ZNF609: variants seen among roughly 807,000 people sequenced by gnomAD.
The protein encoded by ZNF609 is zinc finger protein 609.
A neutral mutation model predicts 109.5 loss-of-function variants in ZNF609; 11 were observed. That is an observed-to-expected ratio of 0.10 (90% CI 0.06 to 0.17). The LOEUF (loss-of-function observed/expected upper bound fraction) is 0.17. Among genes scored for constraint, ZNF609 ranks in the 10% least tolerant of loss-of-function variants. The pLI, the probability that ZNF609 is intolerant of heterozygous loss-of-function variation, is 1.00. For synonymous variants in ZNF609, 646 were observed against 662.0 expected (o/e 0.98, Z 0.37); for missense variants, 1,559 against 1,772.4 (o/e 0.88, Z 2.16).
intron 2 of ZNF609, among the ~76,000 whole-genome samples, chr15:64,555,877 ACT>A (rs1341835165): frequency 7.6e-6 from 1 of 131,514 alleles, no homozygotes; most frequent in African/African-American, 3.0e-5. Context: ...ACAGAGCAAG[ACT>A]CTGTCTCAAA....
At chr15:64,493,209 G>A (rs151267445) in intron 1 of ZNF609, among the ~76,000 whole-genome samples, 76 of 152,170 alleles carry the variant, frequency 5.0e-4, no homozygotes, top group African/African-American at 1.7e-3. Context: ...GAAATGTAGT[G>A]TTTCTTGTTA....
rs1188141340 is a variant in ZNF609 at position 64,674,528 on chromosome 15, C to T, written c.1674C>T (p.Ser558=). 1 of 1,613,996 alleles carries T rather than the reference C, an allele frequency of 6.2e-7. No individual in the cohort carries two copies. Among genetic ancestry groups the T allele is most frequent in the East Asian group, 2.2e-5 (1 of 44,892 alleles). ...GTGCATCTGTCTCACAAAAAGGTTC[C>T]TTGTCCCCTGCCCGCTCAGCTACCC... ...CNGASVSQKG[S]LSPARSATPK... is the part of the protein sequence containing the mutation. Residue 558 remains serine (S), a synonymous_variant, in exon 5 of 10, where the codon TCC becomes TCT. Transcript: ENST00000326648.
intron 1 of ZNF609, among the ~76,000 whole-genome samples, chr15:64,465,801 C>G (rs1395320580): frequency 6.6e-6 from 1 of 151,958 alleles, no homozygotes; most frequent in African/African-American, 2.4e-5. Context: ...TAAGGAACAT[C>G]ACCACTAAAT....
chr15:64,484,675 C>CAAAAAAA (rs35508980), intron 1 of ZNF609, among the ~76,000 whole-genome samples: 1 of 69,956 alleles, frequency 1.4e-5, no homozygotes, highest in Non-Finnish European at 2.5e-5. Flanking sequence ...GACTCTGTCT[C>CAAAAAAA]AAAAAAAAAA....
intron 3 of ZNF609, among the ~76,000 whole-genome samples, chr15:64,639,823 A>G (rs1220979127): frequency 1.3e-5 from 2 of 152,248 alleles, no homozygotes; most frequent in African/African-American, 4.8e-5. Context: ...AGAAATGTGC[A>G]TAATAATGAG....
At chr15:64,612,505 T>C (rs566699546) in intron 2 of ZNF609, among the ~76,000 whole-genome samples, 19 of 152,224 alleles carry the variant, frequency 1.2e-4, no homozygotes, top group African/African-American at 4.3e-4. Flanking sequence ...CTACTCTGTC[T>C]TTTTATCTTT....
intron 3 of ZNF609, among the ~76,000 whole-genome samples, chr15:64,630,932 C>T (rs537726151): frequency 1.3e-5 from 2 of 152,288 alleles, no homozygotes; most frequent in African/African-American, 4.8e-5. Flanking sequence ...CAATAAGCTA[C>T]TTCACATCTT....
At chr15:64,599,977 C>A (rs1402584617) in intron 2 of ZNF609, among the ~76,000 whole-genome samples, 2 of 152,212 alleles carry the variant, frequency 1.3e-5, no homozygotes, top group Non-Finnish European at 2.9e-5. Context: ...TACTTGCAGT[C>A]CTTTGTTCAC....
At chr15:64,483,439 T>TG (rs1380412166) in intron 1 of ZNF609, among the ~76,000 whole-genome samples, 1 of 151,230 alleles carries the variant, frequency 6.6e-6, no homozygotes, top group Non-Finnish European at 1.5e-5. Context: ...CAGGCTGGAG[T>TG]GCAGTGGCAG....
intron 3 of ZNF609, among the ~76,000 whole-genome samples, chr15:64,666,591 C>T (rs975376011): frequency 3.3e-5 from 5 of 151,950 alleles, no homozygotes; most frequent in African/African-American, 4.8e-5. Context: ...GCAACACCTC[C>T]TTGAACACCT....
rs963509994 is a variant in ZNF609, at chr15:64,576,419, T to A, written c.748-46408T>A. ...ATGTGCTTCTTAGTTATGATGTCAA[T>A]TCAGAATTTTTTATCAGAATTTTGT... On this transcript the variant is annotated intron_variant, in intron 2 of 9. Coordinates refer to ENST00000326648, the MANE Select transcript of ZNF609 (RefSeq NM_015042.2). 7.9e-5 allele frequency among the ~76,000 whole-genome samples: 12 copies of A among 152,076 alleles called. No individual in the cohort carries two copies. In the South Asian group the frequency reaches 2.5e-3, roughly 32 times the overall value.
rs1175783902 is a variant in ZNF609, at chr15:64,678,440, A to C, written c.3727A>C (p.Ser1243Arg). 1.2e-6 allele frequency: 2 copies of C among 1,605,294 alleles called. No individual in the cohort carries two copies. The highest frequency in any genetic ancestry group is 1.3e-5 in the African/African-American group (1 of 74,868). ...YSQSYDPNHPSYRSMPAVMMQ... is the reference protein window; with the variant it reads ...YSQSYDPNHPRYRSMPAVMMQ... ...TCAGTCCTACGACCCCAACCACCCC[A>C]GCTACCGGAGCATGCCTGCTGTGAT... Residue 1243 changes from serine to arginine, a missense_variant, in exon 6 of 10, where the codon AGC (serine) becomes CGC (arginine). Around this residue, in one of 4 missense-constraint regions of ZNF609, gnomAD observed 1,204 missense variants for 1,314.1 expected, o/e 0.92. Transcript: ENST00000326648.
Position 64,623,110 on chromosome 15 carries a change from C to T in ZNF609, c.973+58C>T, listed in dbSNP as rs944642210. ...TCAACCTGCTTCTGCAGGGGAGCCA[C>T]CAGGGACTTATTGTTGTAAATATTA... On this transcript the variant is annotated intron_variant, in intron 3 of 9. Transcript: ENST00000326648. 11 of 1,528,192 alleles carry T rather than the reference C, an allele frequency of 7.2e-6. No individual in the cohort carries two copies. In the Admixed American group the frequency reaches 1.2e-4, roughly 17 times the overall value. The allele number at this position is 1,528,192 out of a possible 1,614,324, so 94.7% of individuals were successfully genotyped here.
At chr15:64,601,216 A>T (rs1895493034) in intron 2 of ZNF609, among the ~76,000 whole-genome samples, 1 of 152,158 alleles carries the variant, frequency 6.6e-6, no homozygotes, top group Non-Finnish European at 1.5e-5. Context: ...GTGGGAGGAG[A>T]GCAGTGATGG....
intron 3 of ZNF609, among the ~76,000 whole-genome samples, chr15:64,651,393 A>T (rs1025014241): frequency 1.3e-5 from 2 of 152,192 alleles, no homozygotes; most frequent in African/African-American, 4.8e-5. Context: ...CAGTCAGCAG[A>T]TGCCATATAA....
chr15:64,608,778 C>T (rs576392720), intron 2 of ZNF609, among the ~76,000 whole-genome samples: 2 of 151,524 alleles, frequency 1.3e-5, no homozygotes, highest in African/African-American at 4.8e-5. Flanking sequence ...TCACTTTGTC[C>T]CCCAAGCTGG....
At chr15:64,461,003 TA>T (rs1346545755) in intron 1 of ZNF609, among the ~76,000 whole-genome samples, 165 bp downstream of exon 1, 1 of 4,958 alleles carries the variant, frequency 2.0e-4, no homozygotes, top group Non-Finnish European at 4.0e-4. Flanking sequence ...GGAAGGTGTG[TA>T]GGGGGGGTCG....
intron 1 of ZNF609, among the ~76,000 whole-genome samples, chr15:64,471,532 G>T (rs986966889): frequency 6.6e-6 from 1 of 152,146 alleles, no homozygotes; most frequent in Admixed American, 6.5e-5. Flanking sequence ...TGTTCCACTT[G>T]AATGTGAGAT....
At chr15:64,645,114 C>T (rs1019729838) in intron 3 of ZNF609, among the ~76,000 whole-genome samples, 29 of 110,820 alleles carry the variant, frequency 2.6e-4, no homozygotes, top group African/African-American at 8.9e-4. Context: ...TCCCTTCCTT[C>T]CTTCCTTCCT....
Sources: gnomAD v4.1 joint callset for allele counts (sites outside exome capture counted in the v4.1 genomes callset) on GRCh38, gnomAD v4.1.1 for gene constraint, gnomAD v4.1.1 regional missense constraint, MANE v1.5 for transcripts, NCBI Gene and HGNC (gene_info 2026-07-23, HGNC 2026-07-21) for gene names.